LRP1B: variants seen among roughly 807,000 people sequenced by gnomAD.
LRP1B encodes the protein low-density lipoprotein receptor-related protein 1B.
LRP1B carries 217 observed loss-of-function variants against 556.6 expected under a neutral mutation model. The observed-to-expected ratio is 0.39, with a 90% confidence interval of 0.35 to 0.44. LRP1B has a LOEUF of 0.44. LRP1B is among the 20% of genes least tolerant of loss of function. The pLI, the probability that LRP1B is intolerant of heterozygous loss-of-function variation, is 1.00. For missense variants in LRP1B, 5,053 were observed against 5,620.8 expected (o/e 0.90, Z 3.23); for synonymous variants, 2,047 against 1,865.8 (o/e 1.10, Z -2.50).
intron 34 of LRP1B, among the ~76,000 whole-genome samples, chr2:140,770,450 C>T (rs1689271635): frequency 6.6e-6 from 1 of 151,930 alleles, no homozygotes; most frequent in African/African-American, 2.4e-5. Flanking sequence ...TCTTACAGTG[C>T]TTTTCTCCCT....
chr2:140,895,074 CTT>C, intron 23 of LRP1B, among the ~76,000 whole-genome samples: 1 of 152,108 alleles, frequency 6.6e-6, no homozygotes, highest in South Asian at 2.1e-4. Context: ...GAAAATTAAA[CTT>C]TGGGTAGTGG....
intron 3 of LRP1B, among the ~76,000 whole-genome samples, chr2:141,306,602 G>A (rs1356035062): frequency 6.6e-6 from 1 of 151,868 alleles, no homozygotes; most frequent in Non-Finnish European, 1.5e-5. Flanking sequence ...TAGACAGTTT[G>A]CATTTTCTTA....
At chr2:141,643,394 G>A (rs1247650124) in intron 2 of LRP1B, among the ~76,000 whole-genome samples, 1 of 152,060 alleles carries the variant, frequency 6.6e-6, no homozygotes, top group East Asian at 1.9e-4. Context: ...ATAAACCAGG[G>A]AATATACATA....
chr2:142,115,495 ATATAATATAT>A (rs1452328911), intron 1 of LRP1B, among the ~76,000 whole-genome samples: 3,037 of 100,140 alleles, frequency 0.03, 400 homozygotes, highest in Non-Finnish European at 0.045. Context: ...ATATAATTAT[ATATAATATAT>A]ATTATATATT....
At chr2:141,065,048 T>C (rs1699440856) in intron 7 of LRP1B, among the ~76,000 whole-genome samples, 2 of 151,940 alleles carry the variant, frequency 1.3e-5, no homozygotes, top group South Asian at 4.1e-4. Context: ...TCCTTAGTCT[T>C]TGCCGGAGCC....
At chr2:141,178,004 G>T (rs1203752930) in intron 7 of LRP1B, among the ~76,000 whole-genome samples, 1 of 152,104 alleles carries the variant, frequency 6.6e-6, no homozygotes, top group Non-Finnish European at 1.5e-5. Context: ...ATTATTTCTA[G>T]AATATAACTT....
chr2:142,108,307 G>A (rs1706830063), intron 1 of LRP1B, among the ~76,000 whole-genome samples: 1 of 151,970 alleles, frequency 6.6e-6, no homozygotes, highest in African/African-American at 2.4e-5. Context: ...GCTTCTATAT[G>A]TTTCAATTCC....
chr2:141,785,185 T>C (rs974408536), intron 2 of LRP1B, among the ~76,000 whole-genome samples: 3 of 151,982 alleles, frequency 2.0e-5, no homozygotes, highest in African/African-American at 7.2e-5. Flanking sequence ...TCCATATTCC[T>C]TTTTTCCCCT....
chr2:140,701,368 A>G (rs1182624198), intron 40 of LRP1B, among the ~76,000 whole-genome samples: 1 of 152,084 alleles, frequency 6.6e-6, no homozygotes, highest in South Asian at 2.1e-4. Context: ...CATATTATGT[A>G]TAAAAATTTC....
chr2:141,171,967 A>G (rs1014045407), intron 7 of LRP1B, among the ~76,000 whole-genome samples: 2 of 152,110 alleles, frequency 1.3e-5, no homozygotes, highest in South Asian at 2.1e-4. Context: ...CATCAGAACT[A>G]TAAATTCACA....
chr2:140,700,039 A>G (rs1382287085), intron 41 of LRP1B, among the ~76,000 whole-genome samples: 1 of 148,354 alleles, frequency 6.7e-6, no homozygotes, highest in African/African-American at 2.5e-5. Flanking sequence ...AGAAGGTAAT[A>G]ATCATAATTT....
intron 1 of LRP1B, among the ~76,000 whole-genome samples, chr2:141,887,437 T>C (rs1259162900): frequency 6.6e-6 from 1 of 152,204 alleles, no homozygotes; most frequent in Non-Finnish European, 1.5e-5. Context: ...GTCTCAGGGC[T>C]TTTCCTGTGA....
chr2:142,116,585 C>T (rs1707284388), intron 1 of LRP1B, among the ~76,000 whole-genome samples: 1 of 151,928 alleles, frequency 6.6e-6, no homozygotes, highest in Non-Finnish European at 1.5e-5. Context: ...AAATCTATAC[C>T]CTCATTAATA....
intron 1 of LRP1B, among the ~76,000 whole-genome samples, chr2:142,111,190 G>A (rs1461246446): frequency 2.0e-5 from 3 of 152,098 alleles, no homozygotes; most frequent in African/African-American, 4.8e-5. Context: ...TGTGTGTTAG[G>A]AAGTCACTTT....
intron 3 of LRP1B, among the ~76,000 whole-genome samples, chr2:141,359,278 A>AC (rs1304868689): frequency 6.6e-6 from 1 of 151,538 alleles, no homozygotes; most frequent in African/African-American, 2.4e-5. Flanking sequence ...AAAAAAAAAA[A>AC]AACCACAGAA....
At chr2:141,411,385 C>T (rs1690845516) in intron 3 of LRP1B, among the ~76,000 whole-genome samples, 1 of 152,048 alleles carries the variant, frequency 6.6e-6, no homozygotes, top group Non-Finnish European at 1.5e-5. Context: ...ACTTGGAAAG[C>T]ATGGGAAGAC....
chr2:141,701,904 A>G (rs1691952504), intron 2 of LRP1B, among the ~76,000 whole-genome samples: 1 of 151,902 alleles, frequency 6.6e-6, no homozygotes, highest in Admixed American at 6.6e-5. Flanking sequence ...ATTTACAAAG[A>G]GACAAATGTG....
intron 77 of LRP1B, among the ~76,000 whole-genome samples, chr2:140,337,606 T>G (rs1446235878): frequency 6.6e-6 from 1 of 151,910 alleles, no homozygotes; most frequent in Non-Finnish European, 1.5e-5. Context: ...ATCACCATTA[T>G]AAGCTGTTTT....
intron 20 of LRP1B, among the ~76,000 whole-genome samples, chr2:140,941,806 C>G (rs2105287577): frequency 6.6e-6 from 1 of 152,186 alleles, no homozygotes; most frequent in Non-Finnish European, 1.5e-5. Context: ...CAAATGACAG[C>G]AAATTCATGA....
Sources: allele counts gnomAD v4.1 joint callset (sites outside exome capture counted in the v4.1 genomes callset), GRCh38; gene constraint gnomAD v4.1.1; transcripts MANE v1.5; gene names NCBI Gene and HGNC (gene_info 2026-07-23, HGNC 2026-07-21).